The following ZNF708 variants were observed in gnomAD, a reference collection of about 807,000 sequenced individuals.
ZNF708 encodes the protein zinc finger protein 708, also known as ZNF15, ZNF15L1.
A neutral mutation model predicts 47.0 loss-of-function variants in ZNF708; 44 were observed. The ratio of observed to expected loss-of-function variants is 0.94; its 90% CI spans 0.74 to 1.20. The LOEUF is 1.20. Ranked by LOEUF, ZNF708 falls within the 50% of genes most tolerant of loss-of-function variation. The probability of loss-of-function intolerance (pLI) is 0.00; values close to 1 mark genes in which losing one functional copy is unlikely to be tolerated. For missense variants in ZNF708, 557 were observed against 656.0 expected (o/e 0.85, Z 1.65); for synonymous variants, 184 against 218.5 (o/e 0.84, Z 1.39).
At chr19:21,308,622 G>C (rs531812227) in intron 3 of ZNF708, among the ~76,000 whole-genome samples, 1 of 152,134 alleles carries the variant, frequency 6.6e-6, no homozygotes, top group Non-Finnish European at 1.5e-5. Context: ...TGTTGCCCAG[G>C]TTGGTATCCA....
At chr19:21,317,592 A>AG (rs749179615) in intron 1 of ZNF708, among the ~76,000 whole-genome samples, 8 of 152,232 alleles carry the variant, frequency 5.3e-5, no homozygotes, top group Non-Finnish European at 1.0e-4. Context: ...CTCCAGCCCC[A>AG]GAAAAACTTC....
At chr19:21,326,202 C>T (rs117088323) in intron 1 of ZNF708, among the ~76,000 whole-genome samples, 2,491 of 152,286 alleles carry the variant, frequency 0.016, 27 homozygotes, top group Middle Eastern at 0.037. Flanking sequence ...ATCCAGCAAT[C>T]CCACAATTGG....
At chr19:21,309,863 C>G (rs1293494834) in intron 2 of ZNF708, among the ~76,000 whole-genome samples, 1 of 152,088 alleles carries the variant, frequency 6.6e-6, no homozygotes, top group Non-Finnish European at 1.5e-5. Context: ...TTTTACTACT[C>G]AGTGCTACTG....
Position 21,293,974 on chromosome 19 carries a change from G to C in ZNF708, c.992C>G (p.Thr331Ser), listed in dbSNP as rs139525061. 887 of 1,612,994 alleles carry C rather than the reference G, an allele frequency of 5.5e-4. 5 individuals are homozygous for C. In the African/African-American group the frequency reaches 0.011, roughly 20 times the overall value. ...SHLTTHKRIH[T>S]GEKPYKCEEC... ...TTCACATTTGTAGGGTTTCTCACCAGTATGAATCCTCTTATGTGTAGTAAG... is the reference window on the plus strand; with the variant it reads ...TTCACATTTGTAGGGTTTCTCACCACTATGAATCCTCTTATGTGTAGTAAG... Residue 331 changes from threonine (T) to serine (S), a missense_variant, in exon 4 of 4, where the codon ACT (threonine) becomes AGT (serine). Coordinates refer to ENST00000356929, the MANE Select transcript of ZNF708 (RefSeq NM_021269.3).
Position 21,291,225 on chromosome 19 carries a change from T to A in ZNF708, c.*2049A>T, listed in dbSNP as rs1254520310. 7.4e-6 allele frequency: 1 copy of A among 135,060 alleles called. No individual in the cohort carries two copies. The highest frequency in any genetic ancestry group is 7.5e-5 in the Admixed American group (1 of 13,346). The allele number at this position is 135,060 out of a possible 1,614,324, so 8.4% of individuals were successfully genotyped here. ...ACAAATAGTAAAATAACGTACTAATTTTTTAATTTTAACAAAACTTAAATG... is the reference window on the plus strand; with the variant it reads ...ACAAATAGTAAAATAACGTACTAATATTTTAATTTTAACAAAACTTAAATG... On this transcript the variant is annotated 3_prime_UTR_variant, in exon 4 of 4. Coordinates refer to ENST00000356929, the MANE Select transcript of ZNF708 (RefSeq NM_021269.3).
intron 3 of ZNF708, among the ~76,000 whole-genome samples, chr19:21,302,329 A>G (rs927611612): frequency 7.2e-5 from 11 of 151,926 alleles, no homozygotes; most frequent in African/African-American, 2.7e-4. Flanking sequence ...ATAATCTTCA[A>G]TATCAATAAC....
At chr19:21,307,351 C>T (rs1972805066) in intron 3 of ZNF708, among the ~76,000 whole-genome samples, 1 of 152,030 alleles carries the variant, frequency 6.6e-6, no homozygotes, top group East Asian at 1.9e-4. Flanking sequence ...CTTGTCTGGG[C>T]GAAGTGGCTC....
chr19:21,328,880 G>A (rs531998530), intron 1 of ZNF708, among the ~76,000 whole-genome samples: 1 of 152,086 alleles, frequency 6.6e-6, no homozygotes, highest in Non-Finnish European at 1.5e-5. Flanking sequence ...TCATGAACCC[G>A]ACCCCAAGTC....
intron 3 of ZNF708, among the ~76,000 whole-genome samples, chr19:21,308,659 C>T (rs768175216): frequency 2.0e-5 from 3 of 152,104 alleles, no homozygotes; most frequent in Non-Finnish European, 4.4e-5. Context: ...GATCCTTCTG[C>T]CTTGGCCTCC....
intron 1 of ZNF708, among the ~76,000 whole-genome samples, chr19:21,312,084 C>G (rs948139195): frequency 7.2e-5 from 11 of 152,116 alleles, no homozygotes; most frequent in African/African-American, 2.7e-4. Flanking sequence ...CTTCTGAGGT[C>G]AGAAGTTCGA....
rs907964123 is a variant in ZNF708 at position 21,293,879 on chromosome 19, G to C, written c.1087C>G (p.Pro363Ala). Residue 363 changes from proline to alanine, a missense_variant, in exon 4 of 4, where the codon CCC becomes GCC. By Grantham distance (27) the Pro-to-Ala change is conservative. Transcript: ENST00000356929. Reference sequence around the variant, plus strand: ...TTGCCACATTCTTCACATTTGTAGGGTTTCTCTTCAGTATGAATTATCTTA... The same window carrying C: ...TTGCCACATTCTTCACATTTGTAGGCTTTCTCTTCAGTATGAATTATCTTA... ...KHKIIHTEEK[P>A]YKCEECGKAF... The C allele has an allele frequency of 1.2e-6, 2 of 1,613,286 alleles. No homozygotes were observed. Among genetic ancestry groups the C allele is most frequent in the Non-Finnish European group, 1.7e-6 (2 of 1,179,788 alleles).
At chr19:21,299,814 CTG>C (rs1376681581) in intron 3 of ZNF708, among the ~76,000 whole-genome samples, 1 of 151,428 alleles carries the variant, frequency 6.6e-6, no homozygotes, top group South Asian at 2.1e-4. Context: ...CTAAATTTTG[CTG>C]TGTTTTTGAC....
intron 3 of ZNF708, among the ~76,000 whole-genome samples, chr19:21,304,707 G>A (rs959758258): frequency 5.3e-5 from 8 of 151,992 alleles, no homozygotes; most frequent in South Asian, 2.1e-4. Flanking sequence ...AGACCCTGTC[G>A]CTACTAATAA....
chr19:21,310,335 C>T (rs2968063), intron 2 of ZNF708, among the ~76,000 whole-genome samples, 166 bp downstream of exon 2: 12 of 151,346 alleles, frequency 7.9e-5, no homozygotes, highest in African/African-American at 2.7e-4. Flanking sequence ...ATCTCAGCTA[C>T]GCAGGAGGCT....
intron 3 of ZNF708, among the ~76,000 whole-genome samples, chr19:21,301,266 C>T (rs780711756): frequency 6.6e-6 from 1 of 151,850 alleles, no homozygotes; most frequent in East Asian, 1.9e-4. Context: ...CACTTGAGGT[C>T]ATGAGTTCAA....
intron 1 of ZNF708, among the ~76,000 whole-genome samples, chr19:21,311,269 T>G (rs1972893151): frequency 6.6e-6 from 1 of 152,158 alleles, no homozygotes; most frequent in Admixed American, 6.5e-5. Flanking sequence ...AGATAAAATA[T>G]GATGATTTAT....
chr19:21,303,795 G>A (rs1296201177), intron 3 of ZNF708, among the ~76,000 whole-genome samples: 1 of 151,656 alleles, frequency 6.6e-6, no homozygotes, highest in African/African-American at 2.4e-5. Context: ...TTTTAGTCAA[G>A]TACTAGCATG....
rs1972389105 is a variant in ZNF708, at chr19:21,291,312, A to C, written c.*1962T>G. On this transcript the variant is annotated 3_prime_UTR_variant, in exon 4 of 4. Transcript: ENST00000356929. ...CCTACCTCATGCACCACTCAATATC[A>C]TAATTAACCACAAATACCATCTCCA... 6.6e-6 allele frequency: 1 copy of C among 152,190 alleles called. No homozygotes were observed. Among genetic ancestry groups the C allele is most frequent in the African/African-American group, 2.4e-5 (1 of 41,440 alleles). The allele number at this position is 152,190 out of a possible 1,614,324, so 9.4% of individuals were successfully genotyped here.
chr19:21,295,009 A>G (rs567855031), intron 3 of ZNF708, among the ~76,000 whole-genome samples: 3 of 152,342 alleles, frequency 2.0e-5, no homozygotes, highest in Non-Finnish European at 2.9e-5. Flanking sequence ...ACATTTACCC[A>G]ACACACCTCT....
Sources: allele counts gnomAD v4.1 joint callset (sites outside exome capture counted in the v4.1 genomes callset), GRCh38; gene constraint gnomAD v4.1.1; transcripts MANE v1.5; gene names NCBI Gene and HGNC (gene_info 2026-07-23, HGNC 2026-07-21).